The following CCDC88A variants were observed in gnomAD, a reference collection of about 807,000 sequenced individuals.
CCDC88A encodes girdin.
Under a neutral mutation model 234.3 loss-of-function variants are expected in CCDC88A, and 54 were observed. That is an observed-to-expected ratio of 0.23 (90% CI 0.19 to 0.29). The LOEUF (loss-of-function observed/expected upper bound fraction) is 0.29, where lower values mean the gene tolerates loss of function less well. Among genes scored for constraint, CCDC88A ranks in the 10% least tolerant of loss-of-function variants. CCDC88A has a pLI of 1.00. For synonymous variants in CCDC88A, 753 were observed against 737.8 expected (o/e 1.02, Z -0.33); for missense variants, 1,832 against 2,123.4 (o/e 0.86, Z 2.70).
rs748140696 is a variant in CCDC88A, at chr2:55,317,187, T to A, written c.3746+19A>T. ...CTTTCTATATAAAATGTTTGTTATA[T>A]ATAATATATATTTATTACCTATCAT... On this transcript the variant is annotated intron_variant, in intron 21 of 32. Coordinates refer to ENST00000436346, the MANE Select transcript of CCDC88A (RefSeq NM_001365480.1). The surrounding 1 kb of genome is among the most constrained non-coding windows in gnomAD (Gnocchi z 4.2). 2.7e-6 allele frequency: 3 copies of A among 1,102,738 alleles called. No homozygotes were observed. The highest frequency in any genetic ancestry group is 2.5e-6 in the Non-Finnish European group (2 of 811,804). The allele number at this position is 1,102,738 out of a possible 1,614,324, so 68.3% of individuals were successfully genotyped here.
At chr2:55,297,441 C>G (rs1483790803) in intron 29 of CCDC88A, among the ~76,000 whole-genome samples, 3 of 87,880 alleles carry the variant, frequency 3.4e-5, no homozygotes, top group Non-Finnish European at 7.2e-5. Flanking sequence ...GATGGGGTCT[C>G]ACTGTGTCAC....
At chr2:55,372,577 T>C in intron 4 of CCDC88A, 67 bp from the exon 5 acceptor site, 1 of 787,462 alleles carries the variant, frequency 1.3e-6, no homozygotes, top group South Asian at 1.7e-5. Context: ...ATTTGGAGAA[T>C]CACTTCTAGA....
intron 8 of CCDC88A, among the ~76,000 whole-genome samples, chr2:55,353,111 T>C (rs1670113428): frequency 6.6e-6 from 1 of 152,196 alleles, no homozygotes; most frequent in Non-Finnish European, 1.5e-5. Context: ...AAAATATCCA[T>C]TTACATTTTC....
In CCDC88A at chr2:55,317,753, T is replaced by G; in HGVS notation, c.3413A>C (p.Glu1138Ala). Reference protein sequence around the residue: ...LLIQQSSLENENESVIKERED... With the variant: ...LLIQQSSLENANESVIKERED... The stretch of plus-strand genomic sequence containing the variant: ...TCGCTCTTTGATTACAGATTCATTT[T>G]CATTTTCTAAGGAAGACTGCTGGAT... The change falls in exon 20 of 33, where the codon GAA (glutamate) becomes GCA (alanine). Residue 1138 changes from glutamate (E) to alanine (A), a missense_variant. Around this residue, in one of 6 missense-constraint regions of CCDC88A, gnomAD observed 1,282 missense variants for 1,543.6 expected, o/e 0.83. Transcript: ENST00000436346. This position sits in a 1 kb window ranked among gnomAD's most constrained non-coding sequence, Gnocchi z 4.2. The G allele has an allele frequency of 1.2e-6, 2 of 1,613,508 alleles. No individual in the cohort carries two copies. The highest frequency in any genetic ancestry group is 1.7e-6 in the Non-Finnish European group (2 of 1,179,580).
At chr2:55,383,841 A>T (rs961829366) in intron 3 of CCDC88A, among the ~76,000 whole-genome samples, 14 of 152,188 alleles carry the variant, frequency 9.2e-5, no homozygotes, top group African/African-American at 3.4e-4. Flanking sequence ...ATTAAACCAC[A>T]CCCTCTCTAA....
At chr2:55,392,250 G>A (rs192470670) in intron 2 of CCDC88A, among the ~76,000 whole-genome samples, 141 of 152,232 alleles carry the variant, frequency 9.3e-4, no homozygotes, top group African/African-American at 3.1e-3. Context: ...TTTACATCTT[G>A]ATGTGTAGTA....
chr2:55,373,526 A>C (rs1239450507), intron 4 of CCDC88A, among the ~76,000 whole-genome samples: 1 of 152,170 alleles, frequency 6.6e-6, no homozygotes, highest in Non-Finnish European at 1.5e-5. Flanking sequence ...CATTTGGTAC[A>C]TATTTTTACT....
rs374983032 is a variant in CCDC88A, at chr2:55,368,189, T to C, written c.403-4156A>G. On this transcript the variant is annotated intron_variant, in intron 5 of 32. Coordinates refer to ENST00000436346, the MANE Select transcript of CCDC88A (RefSeq NM_001365480.1). The stretch of plus-strand genomic sequence containing the variant: ...CCATTGAAAAAGATTCTGGAGGAAC[T>C]TGACTGAGTTGGACAGCCAATAACA... Among the ~76,000 whole-genome samples the C allele has an allele frequency of 3.9e-5, 6 of 152,308 alleles. 1 individual carries two copies. Among genetic ancestry groups the C allele is most frequent in the African/African-American group, 1.2e-4 (5 of 41,568 alleles).
intron 23 of CCDC88A, among the ~76,000 whole-genome samples, chr2:55,311,987 C>G (rs1397495692): frequency 6.6e-6 from 1 of 152,088 alleles, no homozygotes; most frequent in Non-Finnish European, 1.5e-5. Context: ...TATACCACAC[C>G]ACAACATACT....
At chr2:55,412,702 G>A (rs1019227917) in intron 2 of CCDC88A, among the ~76,000 whole-genome samples, 6 of 152,126 alleles carry the variant, frequency 3.9e-5, no homozygotes, top group African/African-American at 1.4e-4. Context: ...CGCTGGTCTT[G>A]AAGAAAATAA....
rs572121635 is a variant in CCDC88A, at chr2:55,332,486, A to G, written c.2855+80T>C. 3 of 1,536,776 alleles carry G rather than the reference A, an allele frequency of 2.0e-6. No homozygotes were observed. The highest frequency in any genetic ancestry group is 2.6e-6 in the Non-Finnish European group (3 of 1,149,562). On this transcript the variant is annotated intron_variant, in intron 16 of 32. Coordinates refer to ENST00000436346, the MANE Select transcript of CCDC88A (RefSeq NM_001365480.1). The surrounding 1 kb of genome is among the most constrained non-coding windows in gnomAD (Gnocchi z 4.5). ...GGTGAAATATATAAATGTTTTCTATAGCTAGTACAGAAAGAATTCATGTAT... is the reference window on the plus strand; with the variant it reads ...GGTGAAATATATAAATGTTTTCTATGGCTAGTACAGAAAGAATTCATGTAT...
intron 2 of CCDC88A, among the ~76,000 whole-genome samples, chr2:55,398,988 T>C (rs887483912): frequency 6.6e-6 from 1 of 152,090 alleles, no homozygotes; most frequent in African/African-American, 2.4e-5. Context: ...GGAAAAATAA[T>C]ACCTGGCTTT....
chr2:55,351,252 A>C (rs540836738), intron 8 of CCDC88A, among the ~76,000 whole-genome samples: 3 of 152,190 alleles, frequency 2.0e-5, no homozygotes, highest in Non-Finnish European at 4.4e-5. Flanking sequence ...ACAGATTTCT[A>C]AAAGTGCATT....
chr2:55,307,005 C>T (rs1485086421), intron 25 of CCDC88A, among the ~76,000 whole-genome samples: 1 of 152,066 alleles, frequency 6.6e-6, no homozygotes, highest in Non-Finnish European at 1.5e-5. Flanking sequence ...GAGAGTCTAC[C>T]CCTGGGAGAA....
At chr2:55,417,235 A>G (rs1681641407) in intron 2 of CCDC88A, 1 of 152,128 alleles carries the variant, frequency 6.6e-6, no homozygotes, top group Non-Finnish European at 1.5e-5. Flanking sequence ...TCAAATAAAA[A>G]CCATTAAAGT....
rs112543565 is a variant in CCDC88A at position 55,362,872 on chromosome 2, T to C, written c.487-424A>G. Among the ~76,000 whole-genome samples, 760 of 152,086 alleles carry C rather than the reference T, an allele frequency of 5.0e-3. 6 individuals are homozygous for C. The highest frequency in any genetic ancestry group is 0.018 in the African/African-American group (737 of 41,562). On this transcript the variant is annotated intron_variant, in intron 6 of 32. Transcript: ENST00000436346. ...TTGTTGTTACTGAATATCTAGGTCTTTATAGATTCTGAAGATGACACTGTC... is the reference window on the plus strand; with the variant it reads ...TTGTTGTTACTGAATATCTAGGTCTCTATAGATTCTGAAGATGACACTGTC...
intron 2 of CCDC88A, among the ~76,000 whole-genome samples, chr2:55,401,474 GTGTGTATGTA>G (rs1678659452): frequency 4.1e-5 from 1 of 24,194 alleles, no homozygotes; most frequent in Admixed American, 8.6e-4. Context: ...ATACATATGT[GTGTGTATGTA>G]TGTGTGTGTG....
At chr2:55,381,009 T>C (rs994304045) in intron 3 of CCDC88A, among the ~76,000 whole-genome samples, 14 of 152,216 alleles carry the variant, frequency 9.2e-5, no homozygotes, top group African/African-American at 3.4e-4. Flanking sequence ...ATAAACCATA[T>C]ATATGATGGT....
intron 2 of CCDC88A, among the ~76,000 whole-genome samples, chr2:55,408,492 A>C (rs1057188179): frequency 2.6e-5 from 4 of 152,048 alleles, no homozygotes; most frequent in Non-Finnish European, 5.9e-5. Flanking sequence ...AAAGAAACTC[A>C]CCAGAGCCCA....
Sources: allele counts gnomAD v4.1 joint callset (sites outside exome capture counted in the v4.1 genomes callset), GRCh38; gene constraint gnomAD v4.1.1; regional missense constraint gnomAD v4.1.1; non-coding constraint Gnocchi (gnomAD v3.1); transcripts MANE v1.5; gene names NCBI Gene and HGNC (gene_info 2026-07-23, HGNC 2026-07-21).